Variants in RAB43 observed in about 807,000 individuals in gnomAD.
RAB43 encodes the protein RAB43, member RAS oncogene family.
RAB43 carries 6 observed loss-of-function variants against 18.8 expected under a neutral mutation model. That is an observed-to-expected ratio of 0.32 (90% CI 0.17 to 0.63). RAB43 has a LOEUF of 0.63. Among genes scored for constraint, RAB43 ranks in the 30% least tolerant of loss-of-function variants. The pLI is 0.79. For missense variants in RAB43, 195 were observed against 289.1 expected (o/e 0.67, Z 2.36); for synonymous variants, 103 against 124.1 (o/e 0.83, Z 1.13).
At chr3:129,115,714 G>C (rs1330620100) in intron 1 of RAB43, among the ~76,000 whole-genome samples, 3 of 151,202 alleles carry the variant, frequency 2.0e-5, no homozygotes, top group Non-Finnish European at 4.4e-5. Flanking sequence ...CCAGCTACTT[G>C]GGAGGCTGAG....
chr3:129,114,346 A>G (rs1310185390), intron 1 of RAB43, among the ~76,000 whole-genome samples: 1 of 152,114 alleles, frequency 6.6e-6, no homozygotes, highest in Non-Finnish European at 1.5e-5. Flanking sequence ...GTAGTAGGAG[A>G]GGGCACAAGA....
chr3:129,109,633 TG>T (rs1429459275), intron 1 of RAB43, among the ~76,000 whole-genome samples: 5 of 150,054 alleles, frequency 3.3e-5, no homozygotes, highest in Non-Finnish European at 5.9e-5. Context: ...CCCAGCTCCT[TG>T]GGAGGCTGAG....
intron 2 of RAB43, among the ~76,000 whole-genome samples, chr3:129,093,169 T>G (rs1474014145): frequency 6.6e-6 from 1 of 151,566 alleles, no homozygotes; most frequent in East Asian, 2.0e-4. Context: ...TTTTGTATTT[T>G]TAGTAGAGAT....
intron 1 of RAB43, among the ~76,000 whole-genome samples, chr3:129,104,755 A>G (rs915917120): frequency 6.6e-6 from 1 of 152,222 alleles, no homozygotes; most frequent in Non-Finnish European, 1.5e-5. Context: ...CATAACTCCC[A>G]GCTTATACTA....
chr3:129,108,296 G>A (rs1191023215), intron 1 of RAB43, among the ~76,000 whole-genome samples: 1 of 152,226 alleles, frequency 6.6e-6, no homozygotes, highest in African/African-American at 2.4e-5. Flanking sequence ...TGCCTTCCAG[G>A]AACAGCCCTG....
At chr3:129,097,292 C>G (rs927415543) in intron 1 of RAB43, among the ~76,000 whole-genome samples, 1 of 152,142 alleles carries the variant, frequency 6.6e-6, no homozygotes, top group Non-Finnish European at 1.5e-5. Context: ...CAGAGCAGAC[C>G]ACACTGCATC....
intron 1 of RAB43, among the ~76,000 whole-genome samples, chr3:129,102,910 C>A (rs1934519432): frequency 6.6e-6 from 1 of 152,122 alleles, no homozygotes; most frequent in South Asian, 2.1e-4. Context: ...AGGCAGGTGA[C>A]AAGACACAGC....
chr3:129,111,254 C>T (rs1049968004), intron 1 of RAB43, among the ~76,000 whole-genome samples: 1 of 152,052 alleles, frequency 6.6e-6, no homozygotes, highest in Non-Finnish European at 1.5e-5. Context: ...GTGGCTCATG[C>T]CTGTAATCCC....
chr3:129,097,830 A>G (rs1318753919), intron 1 of RAB43, among the ~76,000 whole-genome samples: 1 of 152,154 alleles, frequency 6.6e-6, no homozygotes. Flanking sequence ...GTAGATAACA[A>G]GCGGCCTGAG....
chr3:129,106,799 G>C (rs994268655), intron 1 of RAB43, among the ~76,000 whole-genome samples: 1 of 152,164 alleles, frequency 6.6e-6, no homozygotes, highest in Non-Finnish European at 1.5e-5. Flanking sequence ...AGTGCCTGAA[G>C]GCCCAGCATG....
At chr3:129,094,676 G>A (rs1410181265) in intron 2 of RAB43, among the ~76,000 whole-genome samples, 4 of 151,326 alleles carry the variant, frequency 2.6e-5, no homozygotes. Flanking sequence ...CACCACAACC[G>A]GCTAATTTTT....
chr3:129,092,529 G>A (rs1434683884), intron 2 of RAB43: 2 of 699,862 alleles, frequency 2.9e-6, no homozygotes, highest in Admixed American at 4.0e-5. Flanking sequence ...TGGAGGTTGA[G>A]GCAGGAGGAT....
chr3:129,115,251 G>T (rs1486752540), intron 1 of RAB43, among the ~76,000 whole-genome samples: 1 of 151,310 alleles, frequency 6.6e-6, no homozygotes, highest in Non-Finnish European at 1.5e-5. Flanking sequence ...ACTTTGGGAG[G>T]CCGAGGTGGG....
At position 129,087,698 on chromosome 3, in the gene RAB43, A is replaced by T. The variant is rs1933432736; in HGVS notation, c.*3398T>A. On this transcript the variant is annotated 3_prime_UTR_variant, in exon 3 of 3. Transcript: ENST00000315150. ...TATAAAGATTTATATATTCATAAATAGGTGGCATGAAAAATTACCAAATGC... is the reference window on the plus strand; with the variant it reads ...TATAAAGATTTATATATTCATAAATTGGTGGCATGAAAAATTACCAAATGC... 6.6e-6 allele frequency: 1 copy of T among 151,694 alleles called. No homozygotes were observed. Among genetic ancestry groups the T allele is most frequent in the Admixed American group, 6.6e-5 (1 of 15,228 alleles). The allele number at this position is 151,694 out of a possible 1,614,324, so 9.4% of individuals were successfully genotyped here. A position where few individuals can be genotyped will look rare whatever the true frequency, so the allele number is the denominator to read the frequency against.
In RAB43 at chr3:129,107,561, G is replaced by A. The variant is rs1934866364; in HGVS notation, c.205-12392C>T. 6.6e-6 allele frequency among the ~76,000 whole-genome samples: 1 copy of A among 152,190 alleles called. No homozygotes were observed. The highest frequency in any genetic ancestry group is 1.5e-5 in the Non-Finnish European group (1 of 68,036). On this transcript the variant is annotated intron_variant, in intron 1 of 2. Transcript: ENST00000315150. The surrounding 1 kb of genome is among the most constrained non-coding windows in gnomAD (Gnocchi z 4.2). Reference sequence around the variant, plus strand: ...CCAAGGCAGCGTGCAGGAGCTCGCGGTGGGCACCGCTCAGCTGGGGGGCCC... The same window carrying A: ...CCAAGGCAGCGTGCAGGAGCTCGCGATGGGCACCGCTCAGCTGGGGGGCCC...
rs1173267072 is a variant in RAB43 at position 129,095,761 on chromosome 3, CAAGGAGCTTTGGCCACCCAT to C, written c.205-612_205-593del. 6.6e-6 allele frequency among the ~76,000 whole-genome samples: 1 copy of C among 152,180 alleles called. No homozygotes were observed. Among genetic ancestry groups the C allele is most frequent in the African/African-American group, 2.4e-5 (1 of 41,440 alleles). ...ACCAGCTGACCCAGCTTGGCCAAAG[CAAGGAGCTTTGGCCACCCAT>C]GTCTTCATTTAACACCTACTCTGCC... On this transcript the variant is annotated intron_variant, in intron 1 of 2. Transcript: ENST00000315150. This position sits in a 1 kb window ranked among gnomAD's most constrained non-coding sequence, Gnocchi z 4.2.
intron 1 of RAB43, among the ~76,000 whole-genome samples, chr3:129,105,960 T>C (rs1356719750): frequency 1.3e-5 from 2 of 152,176 alleles, no homozygotes; most frequent in Non-Finnish European, 2.9e-5. Flanking sequence ...ACTTGCACAG[T>C]GCCTGCACAG....
chr3:129,093,499 A>G (rs1373720138), intron 2 of RAB43, among the ~76,000 whole-genome samples: 1 of 152,134 alleles, frequency 6.6e-6, no homozygotes, highest in African/African-American at 2.4e-5. Flanking sequence ...AGTCCCAGCT[A>G]CTCAGGAGGC....
chr3:129,092,917 C>T (rs1933772253), intron 2 of RAB43, among the ~76,000 whole-genome samples: 1 of 151,324 alleles, frequency 6.6e-6, no homozygotes, highest in Non-Finnish European at 1.5e-5. Flanking sequence ...GATCGCGCCA[C>T]TGCACTCCAG....
Sources: gnomAD v4.1 joint callset for allele counts (sites outside exome capture counted in the v4.1 genomes callset) on GRCh38, gnomAD v4.1.1 for gene constraint, Gnocchi (gnomAD v3.1) non-coding constraint, MANE v1.5 for transcripts, NCBI Gene and HGNC (gene_info 2026-07-23, HGNC 2026-07-21) for gene names.